ATF6: variants seen among roughly 807,000 people sequenced by gnomAD.
ATF6 encodes the protein cyclic AMP-dependent transcription factor ATF-6 alpha.
In ATF6, 53 loss-of-function variants were observed where a neutral mutation model predicts 83.6. The observed-to-expected ratio is 0.63, with a 90% CI of 0.51 to 0.80. The LOEUF is 0.80. ATF6 is among the 30% of genes least tolerant of loss of function. ATF6 has a pLI of 0.00. For synonymous variants in ATF6, 288 were observed against 285.8 expected (o/e 1.01, Z -0.08); for missense variants, 744 against 797.9 (o/e 0.93, Z 0.81).
chr1:161,767,597 G>C (rs1158384565), intron 1 of ATF6, among the ~76,000 whole-genome samples: 2 of 152,170 alleles, frequency 1.3e-5, no homozygotes, highest in African/African-American at 4.8e-5. Flanking sequence ...GTTTATTTTA[G>C]AGATGAGGAA....
intron 14 of ATF6, among the ~76,000 whole-genome samples, chr1:161,900,034 A>G (rs1163785437): frequency 6.6e-6 from 1 of 151,826 alleles, no homozygotes; most frequent in Non-Finnish European, 1.5e-5. Context: ...CCACATCCTT[A>G]TAACTTTTGC....
intron 14 of ATF6, among the ~76,000 whole-genome samples, chr1:161,909,259 A>G (rs1571229905): frequency 1.3e-5 from 2 of 152,138 alleles, no homozygotes; most frequent in East Asian, 3.8e-4. Context: ...AAAGACGGCT[A>G]CTCCAGCTCT....
At position 161,781,978 on chromosome 1, in the gene ATF6, A is replaced by G. The variant is rs773389442; in HGVS notation, c.226A>G (p.Ile76Val). The G allele has an allele frequency of 1.4e-5, 22 of 1,608,786 alleles. No individual in the cohort carries two copies. The South Asian group carries it at 2.3e-4, about 17-fold the overall frequency. Residue 76 changes from isoleucine (I) to valine (V), a missense_variant, in exon 3 of 16, where the codon ATC becomes GTC. Physicochemically the swap from Ile to Val is conservative, Grantham distance 29. Coordinates refer to ENST00000367942, the MANE Select transcript of ATF6 (RefSeq NM_007348.4). ...GCCTTGGGAGTCAGACATTTGGGAC[A>G]TCAACAACCAAATCTGTACAGGTAA... ...LMPWESDIWD[I>V]NNQICTVKDI...
intron 12 of ATF6, among the ~76,000 whole-genome samples, chr1:161,855,280 T>A (rs1356156995): frequency 6.6e-6 from 1 of 152,090 alleles, no homozygotes; most frequent in East Asian, 1.9e-4. Flanking sequence ...GTCGTGAAGG[T>A]GGCAGAAAGT....
chr1:161,941,175 A>G (rs1048093929), intron 15 of ATF6, among the ~76,000 whole-genome samples: 3 of 152,220 alleles, frequency 2.0e-5, no homozygotes, highest in Non-Finnish European at 2.9e-5. Flanking sequence ...ATTGTACCCT[A>G]TCAACTGAAT....
chr1:161,778,170 A>G, intron 1 of ATF6, 74 bp from the exon 2 acceptor site: 1 of 1,219,648 alleles, frequency 8.2e-7, no homozygotes, highest in African/African-American at 1.5e-5. Flanking sequence ...GAGGTGACAT[A>G]GGGACACAGT....
intron 15 of ATF6, among the ~76,000 whole-genome samples, chr1:161,918,676 A>T (rs1688147682): frequency 6.6e-6 from 1 of 152,218 alleles, no homozygotes; most frequent in Admixed American, 6.5e-5. Context: ...GGTTTGAGAA[A>T]GTTGAATAAA....
chr1:161,816,507 T>G (rs1685617153), intron 7 of ATF6, among the ~76,000 whole-genome samples: 1 of 152,212 alleles, frequency 6.6e-6, no homozygotes, highest in Non-Finnish European at 1.5e-5. Context: ...GAAGCTGTTG[T>G]GTAAGTATCA....
intron 1 of ATF6, among the ~76,000 whole-genome samples, chr1:161,777,194 A>G (rs1214583190): frequency 6.6e-6 from 1 of 152,178 alleles, no homozygotes; most frequent in Non-Finnish European, 1.5e-5. Context: ...GAATGGGAGG[A>G]AAGAAATGAG....
rs190062110 is a variant in ATF6, at chr1:161,796,870, T to A, written c.688+4543T>A. On this transcript the variant is annotated intron_variant, in intron 6 of 15. Coordinates refer to ENST00000367942, the MANE Select transcript of ATF6 (RefSeq NM_007348.4). ...ATTTGGATGCCTTTTATTTCTTTCT[T>A]TTGCCTGATTGCTCTGGCTATGACT... is the stretch of plus-strand genomic sequence containing the variant. Among the ~76,000 whole-genome samples the A allele has an allele frequency of 2.3e-3, 357 of 152,182 alleles. 3 individuals carry two copies. The highest frequency in any genetic ancestry group is 8.2e-3 in the African/African-American group (341 of 41,550).
chr1:161,860,937 G>C (rs1686873304), intron 13 of ATF6, among the ~76,000 whole-genome samples: 1 of 152,144 alleles, frequency 6.6e-6, no homozygotes, highest in Non-Finnish European at 1.5e-5. Flanking sequence ...TCATGGTTAA[G>C]ATGCTAGCTT....
At chr1:161,776,184 A>T (rs1684511042) in intron 1 of ATF6, among the ~76,000 whole-genome samples, 1 of 152,124 alleles carries the variant, frequency 6.6e-6, no homozygotes, top group African/African-American at 2.4e-5. Context: ...GAGCATTCTA[A>T]TTATTTTAGA....
intron 15 of ATF6, among the ~76,000 whole-genome samples, chr1:161,947,351 A>G (rs751132555): frequency 8.5e-5 from 13 of 152,232 alleles, no homozygotes; most frequent in Non-Finnish European, 1.8e-4. Context: ...AAGGCAGGCC[A>G]GGGTGATTAG....
At chr1:161,783,956 C>A in intron 3 of ATF6, 34 bp from the exon 4 acceptor site, 1 of 1,357,558 alleles carries the variant, frequency 7.4e-7, no homozygotes, top group Non-Finnish European at 1.0e-6. Flanking sequence ...TTTTTATTGT[C>A]CAGTGGGTAA....
intron 3 of ATF6, among the ~76,000 whole-genome samples, chr1:161,782,285 C>T (rs1684650506): frequency 6.6e-6 from 1 of 152,132 alleles, no homozygotes; most frequent in Non-Finnish European, 1.5e-5. Flanking sequence ...ATAAGATTAA[C>T]CTGAGAACCA....
intron 15 of ATF6, among the ~76,000 whole-genome samples, chr1:161,953,031 A>G (rs1367128487): frequency 2.0e-5 from 3 of 152,158 alleles, no homozygotes; most frequent in Non-Finnish European, 4.4e-5. Context: ...AGGAATAATA[A>G]TAATTCTTCC....
rs2101755091 is a variant in ATF6, at chr1:161,802,057, A to G, written c.694A>G (p.Thr232Ala). 1 of 1,613,970 alleles carries G rather than the reference A, an allele frequency of 6.2e-7. No individual in the cohort carries two copies. Among genetic ancestry groups the G allele is most frequent in the Middle Eastern group, 1.7e-4 (1 of 6,052 alleles). ...SLQPAPTKGQ[T>A]VLLSQPTVVQ... is the part of the protein sequence containing the mutation. ...TTTTCTTTTTTCTAACGCAGGCCAG[A>G]CGGTTTTGCTGTCTCAGCCTACTGT... The change falls in exon 7 of 16, where the codon ACG (threonine) becomes GCG (alanine). Residue 232 changes from threonine (T) to alanine (A), a missense_variant. Transcript: ENST00000367942.
At chr1:161,956,276 C>T (rs1688963865) in intron 15 of ATF6, among the ~76,000 whole-genome samples, 1 of 152,126 alleles carries the variant, frequency 6.6e-6, no homozygotes, top group Non-Finnish European at 1.5e-5. Context: ...TGGTCTTCCA[C>T]AGTGCATGCG....
intron 9 of ATF6, among the ~76,000 whole-genome samples, chr1:161,822,613 TG>T (rs1377763297): frequency 6.6e-6 from 1 of 152,210 alleles, no homozygotes; most frequent in African/African-American, 2.4e-5. Flanking sequence ...ATCAACCCCT[TG>T]CTCTCATGAA....
Sources: gnomAD v4.1 joint callset for allele counts (sites outside exome capture counted in the v4.1 genomes callset) on GRCh38, gnomAD v4.1.1 for gene constraint, MANE v1.5 for transcripts, NCBI Gene and HGNC (gene_info 2026-07-23, HGNC 2026-07-21) for gene names.